SLC25A16: variants seen among roughly 807,000 people sequenced by gnomAD.
SLC25A16 encodes the protein mitochondrial coenzyme A transporter SLC25A16.
In SLC25A16, 39 loss-of-function variants were observed where a neutral mutation model predicts 41.5. The observed-to-expected ratio is 0.94, with a 90% CI of 0.73 to 1.23. The LOEUF (loss-of-function observed/expected upper bound fraction) is 1.23. Ranked by LOEUF, SLC25A16 falls within the 50% of genes most tolerant of loss-of-function variation. The pLI is 0.00. For missense variants in SLC25A16, 421 were observed against 426.9 expected (o/e 0.99, Z 0.12); for synonymous variants, 146 against 147.8 (o/e 0.99, Z 0.09).
chr10:68,513,045 C>T (rs749256278), intron 2 of SLC25A16, among the ~76,000 whole-genome samples: 1 of 151,624 alleles, frequency 6.6e-6, no homozygotes, highest in Non-Finnish European at 1.5e-5. Flanking sequence ...GTCTGATAAA[C>T]AAAACAAAAC....
intron 6 of SLC25A16, among the ~76,000 whole-genome samples, chr10:68,490,304 A>G (rs1335485444): frequency 2.6e-5 from 4 of 151,796 alleles, no homozygotes; most frequent in Non-Finnish European, 5.9e-5. Context: ...CAAACTCTGC[A>G]CTAATATTAT....
chr10:68,484,604 G>A (rs1009387158), intron 8 of SLC25A16, among the ~76,000 whole-genome samples: 1 of 151,244 alleles, frequency 6.6e-6, no homozygotes, highest in East Asian at 1.9e-4. Context: ...TTTTTTGTTT[G>A]TTTGTTTTTA....
intron 4 of SLC25A16, among the ~76,000 whole-genome samples, chr10:68,494,839 A>G (rs2052723516): frequency 6.6e-6 from 1 of 151,496 alleles, no homozygotes; most frequent in Non-Finnish European, 1.5e-5. Flanking sequence ...AGATAGTGCC[A>G]CTGCACTCCA....
intron 2 of SLC25A16, among the ~76,000 whole-genome samples, chr10:68,510,208 A>G (rs2457458): frequency 6.6e-6 from 1 of 152,034 alleles, no homozygotes; most frequent in Non-Finnish European, 1.5e-5. Context: ...CATATCTTTA[A>G]CATCTGTGAA....
intron 8 of SLC25A16, among the ~76,000 whole-genome samples, chr10:68,486,246 A>AAC (rs1564908771): frequency 7.4e-4 from 106 of 143,438 alleles, no homozygotes; most frequent in African/African-American, 2.3e-3. Context: ...AAAAAAAAAA[A>AAC]ACACAACCTC....
chr10:68,513,001 T>C (rs926836926), intron 2 of SLC25A16, among the ~76,000 whole-genome samples: 2 of 152,024 alleles, frequency 1.3e-5, no homozygotes, highest in Non-Finnish European at 2.9e-5. Flanking sequence ...ATTGCACCAT[T>C]GCACTCCAGC....
At chr10:68,506,358 T>C (rs368278719) in intron 3 of SLC25A16, among the ~76,000 whole-genome samples, 1 of 151,684 alleles carries the variant, frequency 6.6e-6, no homozygotes, top group African/African-American at 2.4e-5. Context: ...GGCAGGAGAA[T>C]CGCTTGAACC....
At chr10:68,509,786 T>C (rs950672882) in intron 2 of SLC25A16, among the ~76,000 whole-genome samples, 1 of 150,284 alleles carries the variant, frequency 6.7e-6, no homozygotes, top group African/African-American at 2.4e-5. Context: ...GATATATAGA[T>C]AGATATATTT....
intron 1 of SLC25A16, 51 bp downstream of exon 1, chr10:68,527,195 T>C (rs1590135144): frequency 1.3e-6 from 2 of 1,536,116 alleles, no homozygotes; most frequent in Middle Eastern, 1.7e-4. Context: ...TTGCCCACAG[T>C]CCTGCCCCCG....
Position 68,482,304 on chromosome 10 carries a change from G to T in SLC25A16, c.*1128C>A, listed in dbSNP as rs956725838. 3.3e-5 allele frequency: 5 copies of T among 151,318 alleles called. No individual in the cohort carries two copies. The highest frequency in any genetic ancestry group is 5.9e-5 in the Non-Finnish European group (4 of 67,942). 9.4% of individuals were successfully genotyped at this position (151,318 alleles called of 1,614,324 possible). On this transcript the variant is annotated 3_prime_UTR_variant, in exon 9 of 9. Coordinates refer to ENST00000609923, the MANE Select transcript of SLC25A16 (RefSeq NM_152707.4). Reference sequence around the variant, plus strand: ...AATATTCCCTTCCCATTTATGACACGCTTATAATAAATCATAAAAAGTACT... The same window carrying T: ...AATATTCCCTTCCCATTTATGACACTCTTATAATAAATCATAAAAAGTACT...
chr10:68,498,837 G>A (rs2052794502), intron 4 of SLC25A16, among the ~76,000 whole-genome samples: 2 of 152,214 alleles, frequency 1.3e-5, no homozygotes, highest in South Asian at 4.1e-4. Flanking sequence ...AGCCTCTGCT[G>A]TGATTGGCTA....
intron 2 of SLC25A16, among the ~76,000 whole-genome samples, chr10:68,508,553 A>G (rs1267587244): frequency 6.6e-6 from 1 of 152,046 alleles, no homozygotes; most frequent in African/African-American, 2.4e-5. Flanking sequence ...CGTCTCTACT[A>G]AAGATACAAA....
At position 68,483,564 on chromosome 10, in the gene SLC25A16, A is replaced by AT; in HGVS notation, c.866dup (p.Tyr289Ter). 1 of 1,609,138 alleles carries AT rather than the reference A, an allele frequency of 6.2e-7. No individual in the cohort carries two copies. Among genetic ancestry groups the AT allele is most frequent in the Non-Finnish European group, 8.5e-7 (1 of 1,177,492 alleles). ...TTCGAATTCCATGGTGTCCATAGAC[A>AT]TACTTCATAGTATCCCGCATGGTAC... ...KCLTMRDTMK[Y>*]VYGHHGIRKG... The change falls in exon 9 of 9, where the codon TAT becomes TAAT. Residue 289 changes from tyrosine to a stop codon, truncating the protein, a stop_gained and frameshift_variant. Transcript: ENST00000609923. LOFTEE classifies it high-confidence loss of function.
intron 6 of SLC25A16, among the ~76,000 whole-genome samples, chr10:68,490,543 A>C (rs2052639384): frequency 6.6e-6 from 1 of 151,832 alleles, no homozygotes; most frequent in African/African-American, 2.4e-5. Context: ...GCGTTTCATC[A>C]TGTTGGTCAG....
chr10:68,527,438 G>C lies in SLC25A16; in HGVS notation c.-63C>G. ...TTACAGAACACCGGACGGGACCATA[G>C]CCGGAACAGGCGGTGACAGGAGGCT... On this transcript the variant is annotated 5_prime_UTR_variant, in exon 1 of 9. Coordinates refer to ENST00000609923, the MANE Select transcript of SLC25A16 (RefSeq NM_152707.4). The C allele has an allele frequency of 1.4e-6, 2 of 1,399,032 alleles. No individual in the cohort carries two copies. Among genetic ancestry groups the C allele is most frequent in the Non-Finnish European group, 1.8e-6 (2 of 1,082,178 alleles). 86.7% of individuals were successfully genotyped at this position (1,399,032 alleles called of 1,614,324 possible).
chr10:68,500,260 A>T (rs1039985967), intron 4 of SLC25A16, among the ~76,000 whole-genome samples: 7 of 152,216 alleles, frequency 4.6e-5, no homozygotes, highest in Admixed American at 6.5e-5. Flanking sequence ...TAAATTAATC[A>T]TAAGATCCAT....
At chr10:68,518,776 A>G (rs547121068) in intron 1 of SLC25A16, among the ~76,000 whole-genome samples, 24 of 146,540 alleles carry the variant, frequency 1.6e-4, no homozygotes, top group African/African-American at 6.1e-4. Context: ...TCGGTCTCAA[A>G]AAAACAAATA....
At chr10:68,487,081 TC>T in intron 8 of SLC25A16, 62 bp downstream of exon 8, 3 of 1,270,252 alleles carry the variant, frequency 2.4e-6, no homozygotes, top group Non-Finnish European at 3.4e-6. Flanking sequence ...GAGTCCTATC[TC>T]CTTACTGAGT....
At chr10:68,512,794 T>G (rs2053089412) in intron 2 of SLC25A16, among the ~76,000 whole-genome samples, 1 of 152,128 alleles carries the variant, frequency 6.6e-6, no homozygotes. Context: ...TCCCAGCACT[T>G]TGGGAGGCTG....
Sources: allele counts gnomAD v4.1 joint callset (sites outside exome capture counted in the v4.1 genomes callset), GRCh38; gene constraint gnomAD v4.1.1; transcripts MANE v1.5; gene names NCBI Gene and HGNC (gene_info 2026-07-23, HGNC 2026-07-21).